Variants in GPR85 observed in about 807,000 individuals in gnomAD.
GPR85 encodes the protein G protein-coupled receptor 85.
GPR85 carries 7 observed loss-of-function variants against 21.3 expected under a neutral mutation model. That is an observed-to-expected ratio of 0.33 (90% CI 0.19 to 0.62). The LOEUF (loss-of-function observed/expected upper bound fraction) is 0.62, where lower values mean the gene tolerates loss of function less well. GPR85 is among the 20% of genes least tolerant of loss of function. The probability of loss-of-function intolerance (pLI) is 0.80; values close to 1 mark genes in which losing one functional copy is unlikely to be tolerated. For synonymous variants in GPR85, 167 were observed against 166.1 expected (o/e 1.01, Z -0.04); for missense variants, 299 against 443.8 (o/e 0.67, Z 2.93).
chr7:113,086,402 T>TTTTTTTTTTTTTG lies in GPR85; in HGVS notation c.-370_-369insCAAAAAAAAAAAA, dbSNP rs1562996774. On this transcript the variant is annotated 5_prime_UTR_variant, in exon 1 of 3. The change abolishes the stop of an existing upstream ORF in the 5' untranslated region. Transcript: ENST00000424100. ...TTTTTCTTTTTTTCTTTTTCTTTTT[T>TTTTTTTTTTTTTG]TTTTTTTTTTTTTTGTTTTTTGTTT... 63 of 91,304 alleles carry TTTTTTTTTTTTTG rather than the reference T, an allele frequency of 6.9e-4. 6 individuals are homozygous for TTTTTTTTTTTTTG. Among genetic ancestry groups the TTTTTTTTTTTTTG allele is most frequent in the East Asian group, 1.8e-3 (5 of 2,738 alleles). 5.7% of individuals were successfully genotyped at this position (91,304 alleles called of 1,614,324 possible). A position where few individuals can be genotyped will look rare whatever the true frequency, so the allele number is the denominator to read the frequency against.
chr7:113,083,387 C>T lies in GPR85; in HGVS notation c.*222G>A. ...CATAAAGAAACTTAGGGCAGTGGTT[C>T]AGTCCCTTCTTAATTACAAACCTTT... is the stretch of plus-strand genomic sequence containing the variant. On this transcript the variant is annotated 3_prime_UTR_variant, in exon 3 of 3. Coordinates refer to ENST00000424100, the MANE Select transcript of GPR85 (RefSeq NM_001146267.2). The surrounding 1 kb of genome is among the most constrained non-coding windows in gnomAD (Gnocchi z 4.4). The T allele has an allele frequency of 3.8e-6, 2 of 523,966 alleles. No homozygotes were observed. The highest frequency in any genetic ancestry group is 6.7e-6 in the Non-Finnish European group (2 of 298,350). The allele number at this position is 523,966 out of a possible 1,614,324, so 32.5% of individuals were successfully genotyped here.
chr7:113,083,632 T>C lies in GPR85; in HGVS notation c.1090A>G (p.Arg364Gly). 3 of 1,613,922 alleles carry C rather than the reference T, an allele frequency of 1.9e-6. No homozygotes were observed. In the East Asian group the frequency reaches 6.7e-5, roughly 36 times the overall value. ...CCTCATATAACACAGTAAGGTTCCC[T>C]TGGTAACCTGGATTTTCTGCAGTAA... is the stretch of plus-strand genomic sequence containing the variant. ...LLYCRKSRLP[R>G]EPYCVI is the part of the protein sequence containing the mutation. Residue 364 changes from arginine (R) to glycine (G), a missense_variant, in exon 3 of 3, where the codon AGG becomes GGG. Arg to Gly is a moderately radical substitution (Grantham distance 125, BLOSUM62 -2). Coordinates refer to ENST00000424100, the MANE Select transcript of GPR85 (RefSeq NM_001146267.2). This position sits in a 1 kb window ranked among gnomAD's most constrained non-coding sequence, Gnocchi z 4.4.
At chr7:113,085,218 T>C (rs1013492159) in intron 2 of GPR85, among the ~76,000 whole-genome samples, 1 of 152,130 alleles carries the variant, frequency 6.6e-6, no homozygotes, top group African/African-American at 2.4e-5. Context: ...ATCTACAAGA[T>C]TGCTATTAGG....
At position 113,083,891 on chromosome 7, in the gene GPR85, G is replaced by T. The variant is rs1794201300; in HGVS notation, c.831C>A (p.Phe277Leu). 6.2e-7 allele frequency: 1 copy of T among 1,614,140 alleles called. No individual in the cohort carries two copies. The highest frequency in any genetic ancestry group is 1.3e-5 in the African/African-American group (1 of 75,026). Residue 277 changes from phenylalanine to leucine, a missense_variant, in exon 3 of 3, where the codon TTC becomes TTA. Phe to Leu is a conservative substitution (Grantham distance 22). Coordinates refer to ENST00000424100, the MANE Select transcript of GPR85 (RefSeq NM_001146267.2). This position sits in a 1 kb window ranked among gnomAD's most constrained non-coding sequence, Gnocchi z 4.4. ...TTCTGCTGATTCTTTTCTCCATTTT[G>T]AACTCGTCTAAGACCAATAGCCTTC... Reference protein sequence around the residue: ...GRRRLLVLDEFKMEKRISRMF... With the variant: ...GRRRLLVLDELKMEKRISRMF...
Position 113,086,417 on chromosome 7 carries a change from GTTTTTTGTTTTTTTT to G in GPR85, c.-399_-385del, listed in dbSNP as rs1794296859. 1.5e-5 allele frequency: 1 copy of G among 66,632 alleles called. No homozygotes were observed. Among genetic ancestry groups the G allele is most frequent in the Non-Finnish European group, 2.6e-5 (1 of 38,230 alleles). 4.1% of individuals were successfully genotyped at this position (66,632 alleles called of 1,614,324 possible). On this transcript the variant is annotated 5_prime_UTR_variant, in exon 1 of 3. Coordinates refer to ENST00000424100, the MANE Select transcript of GPR85 (RefSeq NM_001146267.2). ...TTTTCTTTTTTTTTTTTTTTTTTTT[GTTTTTTGTTTTTTTT>G]TTTTTTTTTTTTGCCTTAGTGCCTT... is the stretch of plus-strand genomic sequence containing the variant.
chr7:113,084,301 C>A lies in GPR85; in HGVS notation c.421G>T (p.Val141Leu). ...GACAGAGTCCACACCATACAGATCACAGCCAGACACGTCCAAAAGGTCAGC... is the reference window on the plus strand; with the variant it reads ...GACAGAGTCCACACCATACAGATCAAAGCCAGACACGTCCAAAAGGTCAGC... ...KRLTFWTCLA[V>L]ICMVWTLSVA... The change falls in exon 3 of 3, where the codon GTG becomes TTG. Residue 141 changes from valine to leucine, a missense_variant. Coordinates refer to ENST00000424100, the MANE Select transcript of GPR85 (RefSeq NM_001146267.2). The A allele has an allele frequency of 6.2e-7, 1 of 1,614,114 alleles. No individual in the cohort carries two copies. Among genetic ancestry groups the A allele is most frequent in the Non-Finnish European group, 8.5e-7 (1 of 1,179,990 alleles).
In GPR85 at chr7:113,084,199, G is replaced by A; in HGVS notation, c.523C>T (p.Gln175Ter). The A allele has an allele frequency of 6.2e-7, 1 of 1,614,070 alleles. No individual in the cohort carries two copies. The highest frequency in any genetic ancestry group is 8.5e-7 in the Non-Finnish European group (1 of 1,179,990). Residue 175 changes from glutamine (Q) to a stop codon, truncating the protein, a stop_gained, in exon 3 of 3, where the codon CAA (glutamine) becomes TAA (stop). Transcript: ENST00000424100. LOFTEE classifies it high-confidence loss of function. ...FIREEDQCTF[Q>*]HRSFRANDSL... The stretch of plus-strand genomic sequence containing the variant: ...TCATTAGCCCTGAAGGAGCGGTGTT[G>A]GAAGGTGCATTGATCTTCCTCCCTA...
At chr7:113,085,482 C>A (rs1440050062) in intron 2 of GPR85, among the ~76,000 whole-genome samples, 1 of 152,108 alleles carries the variant, frequency 6.6e-6, no homozygotes, top group Non-Finnish European at 1.5e-5. Context: ...TCCACCCTAC[C>A]CCCCATTTCT....
At chr7:113,085,743 C>T (rs1794255037) in intron 2 of GPR85, among the ~76,000 whole-genome samples, 1 of 152,146 alleles carries the variant, frequency 6.6e-6, no homozygotes, top group Non-Finnish European at 1.5e-5. Flanking sequence ...TGGACCACAC[C>T]AGGGAAATCG....
Position 113,086,396 on chromosome 7 carries a change from C to CTTTTTTTTTTTTTGTTTTTGTTTTTTTTT in GPR85, c.-364_-363insAAAAAAAAACAAAAACAAAAAAAAAAAAA, listed in dbSNP as rs1794283117. On this transcript the variant is annotated 5_prime_UTR_variant, in exon 1 of 3. The change abolishes the stop of an existing upstream ORF in the 5' untranslated region. Transcript: ENST00000424100. ...CTGATTTTTTTCTTTTTTTCTTTTT[C>CTTTTTTTTTTTTTGTTTTTGTTTTTTTTT]TTTTTTTTTTTTTTTTTTTTGTTTT... 2.1e-5 allele frequency: 1 copy of CTTTTTTTTTTTTTGTTTTTGTTTTTTTTT among 48,066 alleles called. No homozygotes were observed. Among genetic ancestry groups the CTTTTTTTTTTTTTGTTTTTGTTTTTTTTT allele is most frequent in the African/African-American group, 9.1e-5 (1 of 10,958 alleles). 3.0% of individuals were successfully genotyped at this position (48,066 alleles called of 1,614,324 possible).
chr7:113,086,396 C>CTTTTTTTTTTTTTTTTTTGTTTTTTTT lies in GPR85; in HGVS notation c.-364_-363insAAAAAAAACAAAAAAAAAAAAAAAAAA, dbSNP rs1794283693. The CTTTTTTTTTTTTTTTTTTGTTTTTTTT allele has an allele frequency of 1.2e-4, 6 of 48,072 alleles. No individual in the cohort carries two copies. The highest frequency in any genetic ancestry group is 1.8e-4 in the Non-Finnish European group (5 of 28,128). The allele number at this position is 48,072 out of a possible 1,614,324, so 3.0% of individuals were successfully genotyped here. A position where few individuals can be genotyped will look rare whatever the true frequency, so the allele number is the denominator to read the frequency against. ...CTGATTTTTTTCTTTTTTTCTTTTT[C>CTTTTTTTTTTTTTTTTTTGTTTTTTTT]TTTTTTTTTTTTTTTTTTTTGTTTT... On this transcript the variant is annotated 5_prime_UTR_variant, in exon 1 of 3. Coordinates refer to ENST00000424100, the MANE Select transcript of GPR85 (RefSeq NM_001146267.2).
chr7:113,084,860 C>A lies in GPR85; in HGVS notation c.-139G>T. ...GATCTGATCTGCAGTCATGCTTCCT[C>A]TTTTCTTCCACTTGTTTTGCCATCA... On this transcript the variant is annotated 5_prime_UTR_variant, in exon 3 of 3. Transcript: ENST00000424100. The A allele has an allele frequency of 4.1e-5, 15 of 365,528 alleles. No homozygotes were observed. Among genetic ancestry groups the A allele is most frequent in the East Asian group, 2.3e-4 (4 of 17,386 alleles). 22.6% of individuals were successfully genotyped at this position (365,528 alleles called of 1,614,324 possible).
upstream of GPR85, among the ~76,000 whole-genome samples, chr7:113,086,841 C>A (rs1487265971): frequency 1.3e-5 from 2 of 151,876 alleles, no homozygotes; most frequent in Non-Finnish European, 2.9e-5. Context: ...GTGCCCGTGA[C>A]GCCCGCCCCC....
chr7:113,086,430 T>TTTTTTTTTTTTTTTTTTTTTG lies in GPR85; in HGVS notation c.-398_-397insCAAAAAAAAAAAAAAAAAAAA, dbSNP rs1794301281. The TTTTTTTTTTTTTTTTTTTTTG allele has an allele frequency of 7.5e-5, 8 of 106,550 alleles. No homozygotes were observed. The highest frequency in any genetic ancestry group is 2.7e-4 in the African/African-American group (7 of 26,140). The allele number at this position is 106,550 out of a possible 1,614,324, so 6.6% of individuals were successfully genotyped here. ...TTTTTTTTTTTTGTTTTTTGTTTTTTTTTTTTTTTTTTTTGCCTTAGTGCC... is the reference window on the plus strand; with the variant it reads ...TTTTTTTTTTTTGTTTTTTGTTTTTTTTTTTTTTTTTTTTTTTTTTGTTTTTTTTTTTTTTGCCTTAGTGCC... On this transcript the variant is annotated 5_prime_UTR_variant, in exon 1 of 3. Transcript: ENST00000424100.
Position 113,082,857 on chromosome 7 carries a change from C to T in GPR85, c.*752G>A, listed in dbSNP as rs1392642775. ...TGACAGGCTGGTACCATTAATGTTG[C>T]CTCCCAGACCAATATCTAGCATTTG... is the stretch of plus-strand genomic sequence containing the variant. On this transcript the variant is annotated 3_prime_UTR_variant, in exon 3 of 3. Transcript: ENST00000424100. 5.3e-5 allele frequency: 8 copies of T among 152,062 alleles called. No homozygotes were observed. Among genetic ancestry groups the T allele is most frequent in the Non-Finnish European group, 4.4e-5 (3 of 67,974 alleles). The allele number at this position is 152,062 out of a possible 1,614,324, so 9.4% of individuals were successfully genotyped here. A position where few individuals can be genotyped will look rare whatever the true frequency, so the allele number is the denominator to read the frequency against.
rs1794301281 is a variant in GPR85 at position 113,086,430 on chromosome 7, T to TTTTTTTTTTTTTTTTTTTTTTG, written c.-398_-397insCAAAAAAAAAAAAAAAAAAAAA. ...TTTTTTTTTTTTGTTTTTTGTTTTT[T>TTTTTTTTTTTTTTTTTTTTTTG]TTTTTTTTTTTTTTGCCTTAGTGCC... On this transcript the variant is annotated 5_prime_UTR_variant, in exon 1 of 3. An upstream open reading frame in the 5' UTR loses its in-frame stop. Transcript: ENST00000424100. The TTTTTTTTTTTTTTTTTTTTTTG allele has an allele frequency of 1.0e-4, 11 of 106,554 alleles. 1 individual carries two copies. Among genetic ancestry groups the TTTTTTTTTTTTTTTTTTTTTTG allele is most frequent in the African/African-American group, 4.2e-4 (11 of 26,096 alleles). The allele number at this position is 106,554 out of a possible 1,614,324, so 6.6% of individuals were successfully genotyped here. A position where few individuals can be genotyped will look rare whatever the true frequency, so the allele number is the denominator to read the frequency against.
At chr7:113,087,464 C>T (rs1369219484), upstream of GPR85, 1 of 154,340 alleles carries the variant, frequency 6.5e-6, no homozygotes, top group Non-Finnish European at 1.5e-5. Flanking sequence ...TCGGATGATA[C>T]CACAGACACC....
Position 113,084,663 on chromosome 7 carries a change from G to T in GPR85, c.59C>A (p.Ala20Asp), listed in dbSNP as rs758248927. 13 of 1,613,408 alleles carry T rather than the reference G, an allele frequency of 8.1e-6. No homozygotes were observed. The highest frequency in any genetic ancestry group is 1.1e-5 in the Non-Finnish European group (13 of 1,179,558). Residue 20 changes from alanine to aspartate, a missense_variant, in exon 3 of 3, where the codon GCC (alanine) becomes GAC (aspartate). By Grantham distance (126) the Ala-to-Asp change is moderately radical. This residue lies in a region of GPR85 where 101 missense variants were observed against 108.4 expected (regional missense o/e 0.93). Coordinates refer to ENST00000424100, the MANE Select transcript of GPR85 (RefSeq NM_001146267.2). ...NILQNLSPLT[A>D]FLKLTSLGFI... ...ACCCAAGGAAGTCAGTTTCAGAAAG[G>T]CTGTTAGAGGCGAGAGATTTTGCAA... is the stretch of plus-strand genomic sequence containing the variant.
chr7:113,083,859 T>C lies in GPR85; in HGVS notation c.863A>G (p.Tyr288Cys). Residue 288 changes from tyrosine to cysteine, a missense_variant, in exon 3 of 3, where the codon TAT becomes TGT. By Grantham distance (194) the Tyr-to-Cys change is radical. Transcript: ENST00000424100. This position sits in a 1 kb window ranked among gnomAD's most constrained non-coding sequence, Gnocchi z 4.4. ...GGTTAGAAACAGAAAAGTCATTATA[T>C]AGAACATTCTGCTGATTCTTTTCTC... ...KMEKRISRMF[Y>C]IMTFLFLTLW... is the part of the protein sequence containing the mutation. 1.2e-6 allele frequency: 2 copies of C among 1,614,240 alleles called. No homozygotes were observed. Among genetic ancestry groups the C allele is most frequent in the Non-Finnish European group, 1.7e-6 (2 of 1,180,046 alleles).
Sources: gnomAD v4.1 joint callset for allele counts (sites outside exome capture counted in the v4.1 genomes callset) on GRCh38, gnomAD v4.1.1 for gene constraint, gnomAD v4.1.1 regional missense constraint, Gnocchi (gnomAD v3.1) non-coding constraint, MANE v1.5 for transcripts, NCBI Gene and HGNC (gene_info 2026-07-23, HGNC 2026-07-21) for gene names.